DDX46: variants seen among roughly 807,000 people sequenced by gnomAD.
The protein encoded by DDX46 is DEAD-box helicase 46, also known as probable ATP-dependent RNA helicase DDX46.
In DDX46, 30 loss-of-function variants were observed where a neutral mutation model predicts 134.9. The observed-to-expected ratio is 0.22, with a 90% CI of 0.17 to 0.30. The LOEUF is 0.30. DDX46 is among the 10% of genes least tolerant of loss of function. The pLI is 1.00. For synonymous variants in DDX46, 415 were observed against 404.1 expected (o/e 1.03, Z -0.32); for missense variants, 622 against 1,248.7 (o/e 0.50, Z 7.56).
intron 18 of DDX46, among the ~76,000 whole-genome samples, chr5:134,815,104 G>T (rs928551739): frequency 6.6e-6 from 1 of 152,168 alleles, no homozygotes; most frequent in Non-Finnish European, 1.5e-5. Flanking sequence ...TTAAAAATTA[G>T]CTGGACGTGC....
intron 15 of DDX46, among the ~76,000 whole-genome samples, chr5:134,806,689 A>G (rs1430542912): frequency 6.6e-6 from 1 of 152,136 alleles, no homozygotes; most frequent in East Asian, 1.9e-4. Context: ...AATATTGGTA[A>G]TTATTTACGT....
rs1314301875 is a variant in DDX46, at chr5:134,777,476, G to T, written c.614-98G>T. 2.2e-6 allele frequency: 3 copies of T among 1,354,194 alleles called. No individual in the cohort carries two copies. In the African/African-American group the frequency reaches 4.4e-5, roughly 20 times the overall value. 83.9% of individuals were successfully genotyped at this position (1,354,194 alleles called of 1,614,324 possible). A position where few individuals can be genotyped will look rare whatever the true frequency, so the allele number is the denominator to read the frequency against. On this transcript the variant is annotated intron_variant, in intron 5 of 22. Transcript: ENST00000452510. ...GAGTAATTGGAAAAGGGGTGTTTGGGCAGTGGCAGAAAAGGTTAGAGAGGT... is the reference window on the plus strand; with the variant it reads ...GAGTAATTGGAAAAGGGGTGTTTGGTCAGTGGCAGAAAAGGTTAGAGAGGT...
chr5:134,824,704 A>C (rs1219953985), intron 21 of DDX46, among the ~76,000 whole-genome samples: 2 of 152,238 alleles, frequency 1.3e-5, no homozygotes, highest in Non-Finnish European at 2.9e-5. Flanking sequence ...AGGATCATTT[A>C]GTTTTTGAAA....
At chr5:134,762,681 T>C (rs1022596652) in intron 1 of DDX46, among the ~76,000 whole-genome samples, 1 of 151,006 alleles carries the variant, frequency 6.6e-6, no homozygotes, top group Non-Finnish European at 1.5e-5. Flanking sequence ...TGCAGTGAGC[T>C]GAGATGGTGC....
At chr5:134,779,217 G>T (rs1007620076) in intron 6 of DDX46, among the ~76,000 whole-genome samples, 38 of 151,668 alleles carry the variant, frequency 2.5e-4, no homozygotes, top group African/African-American at 8.9e-4. Context: ...TTTTTGAGAT[G>T]GAGTCTTGCT....
intron 15 of DDX46, among the ~76,000 whole-genome samples, chr5:134,806,174 T>A (rs992719950): frequency 2.0e-5 from 3 of 151,590 alleles, no homozygotes. Flanking sequence ...GATCACGCTA[T>A]TGCACAAGCC....
At chr5:134,792,813 A>G (rs924685767) in intron 13 of DDX46, among the ~76,000 whole-genome samples, 1 of 152,194 alleles carries the variant, frequency 6.6e-6, no homozygotes, top group Non-Finnish European at 1.5e-5. Flanking sequence ...GTACATGTGT[A>G]TAAGTACATG....
chr5:134,787,171 G>A (rs1754364159), intron 11 of DDX46, among the ~76,000 whole-genome samples: 1 of 152,048 alleles, frequency 6.6e-6, no homozygotes, highest in African/African-American at 2.4e-5. Context: ...CAATCTGCTT[G>A]CCTTGGCTTC....
intron 3 of DDX46, 132 bp from the exon 4 acceptor site, chr5:134,770,771 C>T: frequency 3.0e-6 from 2 of 665,022 alleles, no homozygotes; most frequent in East Asian, 3.7e-5. Context: ...GAGATCGCAC[C>T]ATTTCACTCC....
intron 5 of DDX46, among the ~76,000 whole-genome samples, chr5:134,777,094 C>T (rs998067821): frequency 1.1e-4 from 16 of 151,926 alleles, no homozygotes; most frequent in African/African-American, 2.4e-4. Flanking sequence ...CCTGTAGTCC[C>T]GGTTACTCGT....
At chr5:134,812,878 TC>T (rs1755185975) in intron 18 of DDX46, among the ~76,000 whole-genome samples, 2 of 152,292 alleles carry the variant, frequency 1.3e-5, no homozygotes, top group East Asian at 3.9e-4. Flanking sequence ...CCTCAGGTGA[TC>T]CACCTGCCTT....
At position 134,764,044 on chromosome 5, in the gene DDX46, G is replaced by A. The variant is rs1395621464; in HGVS notation, c.158G>A (p.Arg53His). 5 of 1,614,084 alleles carry A rather than the reference G, an allele frequency of 3.1e-6. No individual in the cohort carries two copies. The highest frequency in any genetic ancestry group is 2.2e-5 in the East Asian group (1 of 44,884). The change falls in exon 2 of 23, where the codon CGT becomes CAT. Residue 53 changes from arginine (R) to histidine (H), a missense_variant. By Grantham distance (29) the Arg-to-His change is conservative (BLOSUM62 0). Transcript: ENST00000452510. ...AGAGATAGGAGGAGAGAGAGGTCTCGTAGCAGGGATAAAAGAAGATCTCGG... is the reference window on the plus strand; with the variant it reads ...AGAGATAGGAGGAGAGAGAGGTCTCATAGCAGGGATAAAAGAAGATCTCGG... ...RDRDRRRERSRSRDKRRSRSR... is the reference protein window; with the variant it reads ...RDRDRRRERSHSRDKRRSRSR...
At chr5:134,773,045 C>T (rs1561854055) in intron 4 of DDX46, among the ~76,000 whole-genome samples, 1 of 152,036 alleles carries the variant, frequency 6.6e-6, no homozygotes, top group Non-Finnish European at 1.5e-5. Context: ...AGGGATCCTC[C>T]AGCCTCAGCT....
At chr5:134,764,588 A>C (rs914781029) in intron 2 of DDX46, among the ~76,000 whole-genome samples, 2 of 152,118 alleles carry the variant, frequency 1.3e-5, no homozygotes, top group Non-Finnish European at 2.9e-5. Context: ...CGACCATCAA[A>C]CAGTGTTTTT....
At chr5:134,804,759 C>G (rs1754933531) in intron 15 of DDX46, 1 of 300,636 alleles carries the variant, frequency 3.3e-6, no homozygotes, top group Non-Finnish European at 6.7e-6. Flanking sequence ...AATTTTTATT[C>G]AAAAATAATT....
chr5:134,807,652 T>C lies in DDX46; in HGVS notation c.1955-96T>C, dbSNP rs562979071. On this transcript the variant is annotated intron_variant, in intron 15 of 22. Transcript: ENST00000452510. ...TATTTTCTATATTTTAGGAGTTGGA[T>C]GTGTCAATTTGTTCTTCACTGAGTT... The C allele has an allele frequency of 9.7e-5, 100 of 1,033,516 alleles. 1 individual carries two copies. The Middle Eastern group carries it at 1.2e-3, about 13-fold the overall frequency. 64.0% of individuals were successfully genotyped at this position (1,033,516 alleles called of 1,614,324 possible). A position where few individuals can be genotyped will look rare whatever the true frequency, so the allele number is the denominator to read the frequency against.
intron 21 of DDX46, among the ~76,000 whole-genome samples, chr5:134,822,047 A>G (rs561961079): frequency 5.8e-4 from 87 of 150,556 alleles, no homozygotes; most frequent in Non-Finnish European, 1.1e-3. Flanking sequence ...ATGCCTGGCT[A>G]ATTTTATTTT....
rs1365199192 is a variant in DDX46 at position 134,821,578 on chromosome 5, G to T, written c.2977+2574G>T. ...AGAGGGAGTCTAGCTCTGTCACCAGGCTGGAATGCAGCGGCGCAATTTCGG... is the reference window on the plus strand; with the variant it reads ...AGAGGGAGTCTAGCTCTGTCACCAGTCTGGAATGCAGCGGCGCAATTTCGG... On this transcript the variant is annotated intron_variant, in intron 21 of 22. Transcript: ENST00000452510. Among the ~76,000 whole-genome samples, 8 of 149,652 alleles carry T rather than the reference G, an allele frequency of 5.3e-5. No homozygotes were observed. The Admixed American group carries it at 5.4e-4, about 10-fold the overall frequency.
Position 134,794,702 on chromosome 5 carries a change from G to T in DDX46, c.1627-148G>T, listed in dbSNP as rs527937270. 9 of 913,992 alleles carry T rather than the reference G, an allele frequency of 9.8e-6. No homozygotes were observed. The South Asian group carries it at 1.6e-4, about 16-fold the overall frequency. 56.6% of individuals were successfully genotyped at this position (913,992 alleles called of 1,614,324 possible). A position where few individuals can be genotyped will look rare whatever the true frequency, so the allele number is the denominator to read the frequency against. ...TAGATTTTTGTCCTAAGCATGTGTG[G>T]AGTTGTCATTTCTTGAGATTGGGAG... is the stretch of plus-strand genomic sequence containing the variant. On this transcript the variant is annotated intron_variant, in intron 13 of 22. Transcript: ENST00000452510.
Sources: allele counts gnomAD v4.1 joint callset (sites outside exome capture counted in the v4.1 genomes callset), GRCh38; gene constraint gnomAD v4.1.1; transcripts MANE v1.5; gene names NCBI Gene and HGNC (gene_info 2026-07-23, HGNC 2026-07-21).